The following PPP2R2D variants were observed in gnomAD, a reference collection of about 807,000 sequenced individuals.
PPP2R2D encodes the protein serine/threonine-protein phosphatase 2A 55 kDa regulatory subunit B delta isoform.
A neutral mutation model predicts 31.1 loss-of-function variants in PPP2R2D; 9 were observed. The ratio of observed to expected loss-of-function variants is 0.29; its 90% confidence interval spans 0.17 to 0.51. PPP2R2D has a LOEUF of 0.51. PPP2R2D is among the 20% of genes least tolerant of loss of function. The pLI is 0.98. For synonymous variants in PPP2R2D, 179 were observed against 172.6 expected (o/e 1.04, Z -0.29); for missense variants, 391 against 465.6 (o/e 0.84, Z 1.48).
rs2036826358 is a variant in PPP2R2D, at chr10:131,957,566, TGCGTGCTGA to T, written c.*1604_*1612del. ...CCCCGTGCCCCTGTGGAGATGAAGGTGCGTGCTGATCCCCCATCTCCCTGTGGAGATGAA... is the reference window on the plus strand; with the variant it reads ...CCCCGTGCCCCTGTGGAGATGAAGGTTCCCCCATCTCCCTGTGGAGATGAA... On this transcript the variant is annotated 3_prime_UTR_variant, in exon 9 of 9. Transcript: ENST00000455566. 1 of 120,262 alleles carries T rather than the reference TGCGTGCTGA, an allele frequency of 8.3e-6. No individual in the cohort carries two copies. Among genetic ancestry groups the T allele is most frequent in the Non-Finnish European group, 1.6e-5 (1 of 61,620 alleles). 7.4% of individuals were successfully genotyped at this position (120,262 alleles called of 1,614,324 possible). A position where few individuals can be genotyped will look rare whatever the true frequency, so the allele number is the denominator to read the frequency against.
chr10:131,946,560 T>A (rs1417237317), intron 7 of PPP2R2D, among the ~76,000 whole-genome samples: 1 of 152,218 alleles, frequency 6.6e-6, no homozygotes, highest in East Asian at 1.9e-4. Flanking sequence ...ATTCCTGCGA[T>A]GAGGATGAGT....
At chr10:131,970,758 G>A in the PPP2R2D span, 8 of 1,614,188 alleles carry the variant, frequency 5.0e-6, no homozygotes, top group East Asian at 2.2e-5. This position sits in a 1 kb window ranked among gnomAD's most constrained non-coding sequence, Gnocchi z 4.1. Context: ...GAGGGTGGCC[G>A]TGCGCTTCGG....
intron 2 of PPP2R2D, among the ~76,000 whole-genome samples, chr10:131,901,560 A>C (rs1207593738): frequency 2.0e-5 from 3 of 152,158 alleles, no homozygotes; most frequent in East Asian, 3.9e-4. Context: ...GGCGGGACTT[A>C]TGTAAGTCAC....
At chr10:131,963,247 G>A (rs1386152214), downstream of PPP2R2D, among the ~76,000 whole-genome samples, 2 of 152,170 alleles carry the variant, frequency 1.3e-5, no homozygotes, top group African/African-American at 4.8e-5. Context: ...GAACTTTCAG[G>A]GGAAATTTGT....
Position 131,956,517 on chromosome 10 carries a change from AAAC to A in PPP2R2D, c.*559_*561del, listed in dbSNP as rs2036803433. The A allele has an allele frequency of 1.0e-6, 1 of 985,488 alleles. No individual in the cohort carries two copies. The allele number at this position is 985,488 out of a possible 1,614,324, so 61.0% of individuals were successfully genotyped here. A position where few individuals can be genotyped will look rare whatever the true frequency, so the allele number is the denominator to read the frequency against. On this transcript the variant is annotated 3_prime_UTR_variant, in exon 9 of 9. Coordinates refer to ENST00000455566, the MANE Select transcript of PPP2R2D (RefSeq NM_018461.5). ...CCCTTCGGGTGTGAGCGCTCAATAA[AAAC>A]AACACACTATAAAGTGTTTTTAAAT...
chr10:131,915,851 AT>A, intron 2 of PPP2R2D, among the ~76,000 whole-genome samples: 1 of 152,352 alleles, frequency 6.6e-6, no homozygotes, highest in Non-Finnish European at 1.5e-5. Context: ...AACCAAAATT[AT>A]TAATCTCCTC....
chr10:131,963,509 T>C (rs1203743654), downstream of PPP2R2D, among the ~76,000 whole-genome samples: 1 of 152,242 alleles, frequency 6.6e-6, no homozygotes, highest in Non-Finnish European at 1.5e-5. Flanking sequence ...GGTAGCATCC[T>C]GTGCATGCCG....
At chr10:131,933,050 T>C (rs1339130578) in intron 2 of PPP2R2D, among the ~76,000 whole-genome samples, 1 of 152,198 alleles carries the variant, frequency 6.6e-6, no homozygotes, top group African/African-American at 2.4e-5. Flanking sequence ...ATACATAATA[T>C]TTTAGTTTCA....
intron 5 of PPP2R2D, 157 bp downstream of exon 5, chr10:131,940,851 TA>T: frequency 1.9e-6 from 1 of 531,166 alleles, no homozygotes; most frequent in Non-Finnish European, 3.4e-6. Flanking sequence ...TGTGTGTGTT[TA>T]AAAGCAAGGT....
chr10:131,967,192 C>CAA, the PPP2R2D span: 1 of 152,092 alleles, frequency 6.6e-6, no homozygotes, highest in Admixed American at 6.6e-5. Context: ...TGGTTTCACT[C>CAA]AGAGTTCAGC....
intron 5 of PPP2R2D, among the ~76,000 whole-genome samples, chr10:131,942,851 G>C (rs964714483): frequency 1.3e-5 from 2 of 152,182 alleles, no homozygotes; most frequent in Admixed American, 1.3e-4. Context: ...GCCTGAACTT[G>C]GTAGAACTGA....
intron 2 of PPP2R2D, among the ~76,000 whole-genome samples, chr10:131,922,132 C>T (rs1554894334): frequency 2.0e-5 from 3 of 152,106 alleles, no homozygotes; most frequent in Non-Finnish European, 1.5e-5. Context: ...ATTTGTTAGA[C>T]AAAGCAAGAC....
chr10:131,960,812 G>C (rs10781571), downstream of PPP2R2D, among the ~76,000 whole-genome samples: 41,870 of 152,136 alleles, frequency 0.28, 5,891 homozygotes, highest in East Asian at 0.45. Flanking sequence ...GCCAGGGAGT[G>C]GGGGAGTGAG....
At chr10:131,949,703 G>T (rs577864681) in intron 8 of PPP2R2D, among the ~76,000 whole-genome samples, 1 of 152,296 alleles carries the variant, frequency 6.6e-6, no homozygotes, top group South Asian at 2.1e-4. Context: ...GACTGGAAAG[G>T]AATCAGAGGG....
chr10:131,946,234 G>A (rs1316296631), intron 7 of PPP2R2D, among the ~76,000 whole-genome samples: 8 of 152,256 alleles, frequency 5.3e-5, no homozygotes, highest in Admixed American at 3.3e-4. Context: ...CCTTTTAGGT[G>A]AGGGAGGTTC....
chr10:131,943,006 T>C (rs1554897399), intron 5 of PPP2R2D, among the ~76,000 whole-genome samples: 2 of 152,224 alleles, frequency 1.3e-5, no homozygotes, highest in Admixed American at 6.5e-5. Flanking sequence ...CTTTTTCCCC[T>C]AAGCTTTCAA....
chr10:131,966,155 G>A, the PPP2R2D span, among the ~76,000 whole-genome samples: 1 of 152,126 alleles, frequency 6.6e-6, no homozygotes, highest in Non-Finnish European at 1.5e-5. Flanking sequence ...CCTCTCTCTT[G>A]CAGCCATGTG....
intron 2 of PPP2R2D, among the ~76,000 whole-genome samples, chr10:131,913,533 G>C (rs1035987182): frequency 1.2e-4 from 19 of 152,104 alleles, no homozygotes; most frequent in Non-Finnish European, 2.5e-4. Context: ...TCCATGTTTG[G>C]GTCAGTAATG....
rs1169582352 is a variant in PPP2R2D at position 131,901,222 on chromosome 10, C to G, written c.8-16C>G. ...CGGGGGCCGCGGCCGGCCTGACCGC[C>G]CCGTTGTGTTTGCAGGAGCCGGAGG... On this transcript the variant is annotated splice_polypyrimidine_tract_variant and intron_variant, in intron 1 of 8. Transcript: ENST00000455566. 46 of 348,974 alleles carry G rather than the reference C, an allele frequency of 1.3e-4. No homozygotes were observed. The South Asian group carries it at 3.0e-3, about 22-fold the overall frequency. The allele number at this position is 348,974 out of a possible 1,614,324, so 21.6% of individuals were successfully genotyped here. A position where few individuals can be genotyped will look rare whatever the true frequency, so the allele number is the denominator to read the frequency against.
Sources: allele counts gnomAD v4.1 joint callset (sites outside exome capture counted in the v4.1 genomes callset), GRCh38; gene constraint gnomAD v4.1.1; non-coding constraint Gnocchi (gnomAD v3.1); transcripts MANE v1.5; gene names NCBI Gene and HGNC (gene_info 2026-07-23, HGNC 2026-07-21).